The following SLC7A14 variants were observed in gnomAD, a reference collection of about 807,000 sequenced individuals.
SLC7A14 encodes the protein gamma-aminobutyric acid transporter SLC7A14.
Under a neutral mutation model 60.2 loss-of-function variants are expected in SLC7A14, and 37 were observed. The ratio of observed to expected loss-of-function variants is 0.61; its 90% CI spans 0.47 to 0.81. SLC7A14 has a LOEUF of 0.81. Ranked by LOEUF, SLC7A14 falls within the 30% of genes least tolerant of loss-of-function variation. The pLI, the probability that SLC7A14 is intolerant of heterozygous loss-of-function variation, is 0.00. For synonymous variants in SLC7A14, 399 were observed against 395.8 expected, an observed-to-expected ratio of 1.01 and a Z score of -0.10; for missense variants, 886 against 982.7, an observed-to-expected ratio of 0.90 and a Z score of 1.32.
At chr3:170,547,814 T>C (rs1050485294) in intron 1 of SLC7A14, among the ~76,000 whole-genome samples, 1 of 152,216 alleles carries the variant, frequency 6.6e-6, no homozygotes, top group Non-Finnish European at 1.5e-5. Context: ...CTTAAAGAGC[T>C]GCAGGATTGT....
intron 4 of SLC7A14, chr3:170,495,834 G>T: frequency 8.8e-7 from 1 of 1,138,642 alleles, no homozygotes; most frequent in Middle Eastern, 2.1e-4. Flanking sequence ...GCAGAAGATG[G>T]CTCGGATCAA....
chr3:170,483,572 T>C, intron 5 of SLC7A14, 50 bp from the exon 6 acceptor site: 1 of 1,598,566 alleles, frequency 6.3e-7, no homozygotes, highest in Non-Finnish European at 8.6e-7. Context: ...AAGAACAGCA[T>C]GGATAGAGGC....
intron 7 of SLC7A14, among the ~76,000 whole-genome samples, chr3:170,476,211 A>C (rs948163113): frequency 6.6e-6 from 1 of 152,224 alleles, no homozygotes; most frequent in Non-Finnish European, 1.5e-5. Flanking sequence ...CTGGGCTTAG[A>C]ATGTTTCAGA....
chr3:170,479,468 A>G (rs1037003159), intron 7 of SLC7A14, among the ~76,000 whole-genome samples: 1 of 152,230 alleles, frequency 6.6e-6, no homozygotes, highest in South Asian at 2.1e-4. Context: ...CTGCAAATAC[A>G]ATAGAAATGG....
chr3:170,550,874 A>G (rs1421350410), intron 1 of SLC7A14, among the ~76,000 whole-genome samples: 1 of 152,012 alleles, frequency 6.6e-6, no homozygotes, highest in East Asian at 1.9e-4. Context: ...CAGCACATAT[A>G]TTTTTTAAAA....
intron 4 of SLC7A14, among the ~76,000 whole-genome samples, chr3:170,497,678 G>A (rs888586136): frequency 2.0e-5 from 3 of 152,186 alleles, no homozygotes; most frequent in African/African-American, 4.8e-5. Context: ...TCTGATTTAT[G>A]TTCTACCATG....
chr3:170,462,817 T>C lies in SLC7A14; in HGVS notation c.*4238A>G, dbSNP rs1337625983. 1 of 152,134 alleles carries C rather than the reference T, an allele frequency of 6.6e-6. No homozygotes were observed. Among genetic ancestry groups the C allele is most frequent in the Non-Finnish European group, 1.5e-5 (1 of 68,028 alleles). The allele number at this position is 152,134 out of a possible 1,614,324, so 9.4% of individuals were successfully genotyped here. A position where few individuals can be genotyped will look rare whatever the true frequency, so the allele number is the denominator to read the frequency against. ...TAGATAGATATAAAAAGTTGTTAGGTTTAGTTGTTGAAACCTATTGTTGAA... is the reference window on the plus strand; with the variant it reads ...TAGATAGATATAAAAAGTTGTTAGGCTTAGTTGTTGAAACCTATTGTTGAA... On this transcript the variant is annotated 3_prime_UTR_variant, in exon 8 of 8. Coordinates refer to ENST00000231706, the MANE Select transcript of SLC7A14 (RefSeq NM_020949.3).
rs181646548 is a variant in SLC7A14, at chr3:170,538,274, C to T, written c.-152-11186G>A. ...GTGCTTCTGGGTTTGGAGCTTATAT[C>T]TGAAATTACTTTTGTTTTCTCTATT... On this transcript the variant is annotated intron_variant, in intron 1 of 7. Transcript: ENST00000231706. 3.3e-3 allele frequency among the ~76,000 whole-genome samples: 498 copies of T among 152,288 alleles called. 1 individual carries two copies. The highest frequency in any genetic ancestry group is 7.7e-3 in the South Asian group (37 of 4,826).
chr3:170,583,854 G>A (rs2108321030), intron 1 of SLC7A14, among the ~76,000 whole-genome samples: 1 of 152,346 alleles, frequency 6.6e-6, no homozygotes, highest in South Asian at 2.1e-4. Context: ...GCATGACAGT[G>A]AGTGGGTGAA....
rs1014494086 is a variant in SLC7A14 at position 170,464,667 on chromosome 3, A to T, written c.*2388T>A. On this transcript the variant is annotated 3_prime_UTR_variant, in exon 8 of 8. Coordinates refer to ENST00000231706, the MANE Select transcript of SLC7A14 (RefSeq NM_020949.3). ...CTATGTGGGAAAAATGGCTCCTGAA[A>T]TGAGAGTGCTTAATAGAATCTGCAT... 2 of 152,240 alleles carry T rather than the reference A, an allele frequency of 1.3e-5. No homozygotes were observed. The highest frequency in any genetic ancestry group is 2.9e-5 in the Non-Finnish European group (2 of 68,044). 9.4% of individuals were successfully genotyped at this position (152,240 alleles called of 1,614,324 possible).
rs75912433 is a variant in SLC7A14, at chr3:170,534,493, G to A, written c.-152-7405C>T. ...GTTGTGCACTTTTCTTATGAAGGAG[G>A]ATGTAAACAGTTTTGATGATATGTC... On this transcript the variant is annotated intron_variant, in intron 1 of 7. Coordinates refer to ENST00000231706, the MANE Select transcript of SLC7A14 (RefSeq NM_020949.3). Among the ~76,000 whole-genome samples, 918 of 152,252 alleles carry A rather than the reference G, an allele frequency of 6.0e-3. 10 individuals are homozygous for A. Among genetic ancestry groups the A allele is most frequent in the African/African-American group, 0.021 (875 of 41,540 alleles).
At chr3:170,504,840 A>G (rs1326842024) in intron 2 of SLC7A14, among the ~76,000 whole-genome samples, 2 of 152,160 alleles carry the variant, frequency 1.3e-5, no homozygotes, top group African/African-American at 4.8e-5. Flanking sequence ...GTTCTCAGTG[A>G]AGGTGGTACT....
intron 1 of SLC7A14, among the ~76,000 whole-genome samples, chr3:170,554,781 C>T (rs1053582880): frequency 1.3e-5 from 2 of 152,210 alleles, no homozygotes; most frequent in Admixed American, 6.5e-5. Flanking sequence ...AGGTTATTTG[C>T]CCTCATCTAT....
chr3:170,482,781 G>A (rs1711875228), intron 6 of SLC7A14, among the ~76,000 whole-genome samples: 1 of 152,200 alleles, frequency 6.6e-6, no homozygotes, highest in Non-Finnish European at 1.5e-5. Context: ...TAGAGTTACT[G>A]TGAGGACTAA....
At chr3:170,485,422 A>G (rs542150651) in intron 5 of SLC7A14, among the ~76,000 whole-genome samples, 41 of 152,232 alleles carry the variant, frequency 2.7e-4, no homozygotes, top group African/African-American at 7.2e-4. Flanking sequence ...AATTGTGGTG[A>G]CCCAAGTGAG....
intron 5 of SLC7A14, among the ~76,000 whole-genome samples, chr3:170,484,717 G>T (rs894932673): frequency 5.3e-5 from 8 of 152,314 alleles, no homozygotes; most frequent in Admixed American, 5.2e-4. Flanking sequence ...TCTCATGGTG[G>T]GGGAGGGGCT....
intron 1 of SLC7A14, among the ~76,000 whole-genome samples, chr3:170,563,732 G>A (rs1714724329): frequency 6.6e-6 from 1 of 151,956 alleles, no homozygotes; most frequent in African/African-American, 2.4e-5. Flanking sequence ...AACAAACACT[G>A]GTCTTAAAGA....
intron 1 of SLC7A14, among the ~76,000 whole-genome samples, chr3:170,562,347 T>C (rs1714677028): frequency 1.3e-5 from 2 of 152,184 alleles, no homozygotes; most frequent in African/African-American, 4.8e-5. Context: ...TGCAGCAACC[T>C]GGATGGGATT....
At chr3:170,512,506 C>T (rs1181436127) in intron 2 of SLC7A14, among the ~76,000 whole-genome samples, 1 of 152,140 alleles carries the variant, frequency 6.6e-6, no homozygotes, top group Non-Finnish European at 1.5e-5. Flanking sequence ...GATTCGGTTA[C>T]AGTGCCTACT....
Sources: allele counts gnomAD v4.1 joint callset (sites outside exome capture counted in the v4.1 genomes callset), GRCh38; gene constraint gnomAD v4.1.1; transcripts MANE v1.5; gene names NCBI Gene and HGNC (gene_info 2026-07-23, HGNC 2026-07-21).